Variants in HCN2 observed in about 807,000 individuals in gnomAD.
HCN2 encodes the protein potassium/sodium hyperpolarization-activated cyclic nucleotide-gated channel 2.
HCN2 carries 20 observed loss-of-function variants against 52.3 expected under a neutral mutation model. That is an observed-to-expected ratio of 0.38 (90% CI 0.27 to 0.56). The LOEUF (loss-of-function observed/expected upper bound fraction) is 0.56. HCN2 is among the 20% of genes least tolerant of loss of function. The pLI, the probability that HCN2 is intolerant of heterozygous loss-of-function variation, is 0.71. For missense variants in HCN2, 981 were observed against 1,207.7 expected (o/e 0.81, Z 2.78); for synonymous variants, 694 against 537.0 (o/e 1.29, Z -4.04).
chr19:593,158 C>T (rs1299525818), intron 1 of HCN2, among the ~76,000 whole-genome samples: 1 of 152,218 alleles, frequency 6.6e-6, no homozygotes, highest in Non-Finnish European at 1.5e-5. Flanking sequence ...CCAAGTCCAC[C>T]CTGCTCCCGT....
chr19:612,427 T>TGTGTGTGTGTGTGAGTGAGA, intron 5 of HCN2, among the ~76,000 whole-genome samples: 1 of 142,256 alleles, frequency 7.0e-6, no homozygotes, highest in Non-Finnish European at 1.5e-5. Context: ...TGTGTGTGTG[T>TGTGTGTGTGTGTGAGTGAGA]GAGAGAGAGA....
chr19:597,136 A>AC (rs1374428899), intron 1 of HCN2, among the ~76,000 whole-genome samples: 1 of 152,152 alleles, frequency 6.6e-6, no homozygotes, highest in Non-Finnish European at 1.5e-5. Flanking sequence ...TGGCCACCCC[A>AC]CCTGTCCCTT....
intron 7 of HCN2, 137 bp downstream of exon 7, chr19:614,153 C>T (rs1009255534): frequency 4.5e-5 from 28 of 618,900 alleles, no homozygotes; most frequent in African/African-American, 2.6e-4. Context: ...GGGGCAGAGA[C>T]GTGGCCAAGG....
chr19:590,225 G>A lies in HCN2; in HGVS notation c.280G>A (p.Ala94Thr). 1 of 989,642 alleles carries A rather than the reference G, an allele frequency of 1.0e-6. No individual in the cohort carries two copies. The highest frequency in any genetic ancestry group is 1.2e-6 in the Non-Finnish European group (1 of 834,410). 61.3% of individuals were successfully genotyped at this position (989,642 alleles called of 1,614,324 possible). A position where few individuals can be genotyped will look rare whatever the true frequency, so the allele number is the denominator to read the frequency against. Residue 94 changes from alanine to threonine, a missense_variant, in exon 1 of 8, where the codon GCC (alanine) becomes ACC (threonine). This residue lies in a region of HCN2 where 215 missense variants were observed against 179.4 expected (regional missense o/e 1.20). Coordinates refer to ENST00000251287, the MANE Select transcript of HCN2 (RefSeq NM_001194.4). The surrounding 1 kb of genome is among the most constrained non-coding windows in gnomAD (Gnocchi z 7.2). ...RPGTPGAAST[A>T]KGSPNGECGR... ...CGGCACCCCGGGCGCGGCGAGCACG[G>A]CCAAGGGCAGCCCGAACGGCGAGTG...
chr19:595,573 C>T (rs1288552471), intron 1 of HCN2, among the ~76,000 whole-genome samples: 4 of 152,220 alleles, frequency 2.6e-5, no homozygotes, highest in African/African-American at 7.2e-5. Flanking sequence ...TCCACCCACA[C>T]GCCACCTCCT....
chr19:612,523 C>T (rs894192845), intron 5 of HCN2, among the ~76,000 whole-genome samples: 9 of 151,886 alleles, frequency 5.9e-5, no homozygotes, highest in East Asian at 1.9e-4. Context: ...TCAAGAGACT[C>T]GTGCCTCAGC....
chr19:610,436 G>A, intron 5 of HCN2, 31 bp downstream of exon 5: 1 of 1,602,708 alleles, frequency 6.2e-7, no homozygotes. Context: ...GCGGGAGGCA[G>A]CCTCCGGTAC....
At chr19:614,095 G>A (rs1460586322) in intron 7 of HCN2, 79 bp downstream of exon 7, 3 of 1,126,240 alleles carry the variant, frequency 2.7e-6, no homozygotes, top group Non-Finnish European at 2.4e-6. Context: ...AGAGTGGCTT[G>A]GACAGTGGCA....
At chr19:606,854 A>G (rs35328198) in intron 3 of HCN2, among the ~76,000 whole-genome samples, 3 of 134,614 alleles carry the variant, frequency 2.2e-5, no homozygotes, top group Admixed American at 7.7e-5. Flanking sequence ...TTGTCTCAAA[A>G]AAAATAAATA....
chr19:604,558 G>A (rs1983336261), intron 2 of HCN2, among the ~76,000 whole-genome samples: 1 of 144,574 alleles, frequency 6.9e-6, no homozygotes, highest in African/African-American at 2.7e-5. Context: ...AGGCATCAGG[G>A]GCGGGGCTAT....
chr19:615,093 C>T (rs1444152444), intron 7 of HCN2, among the ~76,000 whole-genome samples: 1 of 152,130 alleles, frequency 6.6e-6, no homozygotes, highest in Non-Finnish European at 1.5e-5. Context: ...TGTGTACAGG[C>T]AGGTGTTTTC....
intron 1 of HCN2, among the ~76,000 whole-genome samples, chr19:596,474 T>C (rs1351167706): frequency 1.3e-5 from 2 of 152,220 alleles, no homozygotes. Context: ...CCTCCCTGCC[T>C]GCGAGGGCCA....
Position 613,927 on chromosome 19 carries a change from G to A in HCN2, c.1901G>A (p.Ser634Asn), listed in dbSNP as rs1983783053. Residue 634 changes from serine (S) to asparagine (N), a missense_variant, in exon 7 of 8, where the codon AGC becomes AAC. Around this residue, in one of 6 missense-constraint regions of HCN2, gnomAD observed 85 missense variants for 106.1 expected, o/e 0.80. Coordinates refer to ENST00000251287, the MANE Select transcript of HCN2 (RefSeq NM_001194.4). Reference sequence around the variant, plus strand: ...ACCTACTGCCGCCTCTATTCGCTGAGCGTGGACAACTTCAACGAGGTGCTG... The same window carrying A: ...ACCTACTGCCGCCTCTATTCGCTGAACGTGGACAACTTCAACGAGGTGCTG... ...ADTYCRLYSL[S>N]VDNFNEVLEE... is the part of the protein sequence containing the mutation. 1.3e-6 allele frequency: 2 copies of A among 1,573,630 alleles called. No individual in the cohort carries two copies. Among genetic ancestry groups the A allele is most frequent in the African/African-American group, 1.5e-5 (1 of 68,686 alleles).
At chr19:604,252 G>A (rs1281557424) in intron 2 of HCN2, among the ~76,000 whole-genome samples, 2 of 102,370 alleles carry the variant, frequency 2.0e-5, no homozygotes, top group East Asian at 3.6e-4. Context: ...GGCCCCAGGG[G>A]TGGGGCTATG....
At chr19:612,155 AAAG>A (rs1297506177) in intron 5 of HCN2, among the ~76,000 whole-genome samples, 5 of 152,022 alleles carry the variant, frequency 3.3e-5, no homozygotes, top group Non-Finnish European at 1.5e-5. Flanking sequence ...AAAAAAAAAA[AAAG>A]TACCAAAAAG....
At chr19:605,725 G>A (rs1401529295) in intron 3 of HCN2, among the ~76,000 whole-genome samples, 163 of 109,830 alleles carry the variant, frequency 1.5e-3, no homozygotes, top group African/African-American at 5.5e-3. Flanking sequence ...TTATGGAGGG[G>A]AGGACTCGGG....
intron 1 of HCN2, among the ~76,000 whole-genome samples, chr19:597,128 G>A (rs749269292): frequency 3.3e-5 from 5 of 152,232 alleles, no homozygotes. Flanking sequence ...CCTCAGGGTG[G>A]CCACCCCACC....
intron 5 of HCN2, among the ~76,000 whole-genome samples, 169 bp from the exon 6 acceptor site, chr19:613,079 T>G (rs574693274): frequency 6.6e-6 from 1 of 152,296 alleles, no homozygotes; most frequent in Admixed American, 6.5e-5. Context: ...ACTGAGCGTT[T>G]TTTCTTTCTC....
chr19:611,841 G>A (rs573506380), intron 5 of HCN2, among the ~76,000 whole-genome samples: 22 of 152,226 alleles, frequency 1.4e-4, no homozygotes, highest in African/African-American at 4.8e-4. Flanking sequence ...GAGTTGCAAA[G>A]TCAAATCTTT....
Sources: allele counts gnomAD v4.1 joint callset (sites outside exome capture counted in the v4.1 genomes callset), GRCh38; gene constraint gnomAD v4.1.1; regional missense constraint gnomAD v4.1.1; non-coding constraint Gnocchi (gnomAD v3.1); transcripts MANE v1.5; gene names NCBI Gene and HGNC (gene_info 2026-07-23, HGNC 2026-07-21).